Variants in PCF11 observed in about 807,000 individuals in gnomAD.
PCF11 encodes pre-mRNA cleavage complex 2 protein Pcf11.
Under a neutral mutation model 166.1 loss-of-function variants are expected in PCF11, and 19 were observed. The observed-to-expected ratio is 0.11, with a 90% CI of 0.08 to 0.17. PCF11 has a LOEUF of 0.17. PCF11 is among the 10% of genes least tolerant of loss of function. The pLI is 1.00. For synonymous variants in PCF11, 663 were observed against 644.1 expected (o/e 1.03, Z -0.44); for missense variants, 1,565 against 1,855.5 (o/e 0.84, Z 2.88).
exon 5 of PCF11, chr11:83,166,333 G>T (rs765888652): frequency 6.2e-7 from 1 of 1,613,774 alleles, no homozygotes; most frequent in African/African-American, 1.3e-5. Flanking sequence ...ACTAGAAAGC[G>T]ATCAAGATCT....
At chr11:83,185,447 G>GATATATATATATAT (rs34956679) in exon 16 of PCF11, 2 of 149,258 alleles carry the variant, frequency 1.3e-5, no homozygotes, top group African/African-American at 4.9e-5. Context: ...ATATTTTGCA[G>GATATATATATATAT]ATATATATAT....
chr11:83,168,778 G>A, exon 8 of PCF11: 2 of 1,613,928 alleles, frequency 1.2e-6, no homozygotes, highest in South Asian at 1.1e-5. Flanking sequence ...TCAGCTAGGA[G>A]GTGGGTGTCC....
intron 9 of PCF11, among the ~76,000 whole-genome samples, 155 bp from the exon 10 acceptor site, chr11:83,176,930 G>A (rs1860905174): frequency 6.6e-6 from 1 of 152,064 alleles, no homozygotes; most frequent in African/African-American, 2.4e-5. Context: ...AGGGGCTTTT[G>A]AAATTAAACT....
At chr11:83,166,092 A>C (rs919984588) in exon 5 of PCF11, 1 of 1,611,338 alleles carries the variant, frequency 6.2e-7, no homozygotes, top group African/African-American at 1.3e-5. Context: ...TGATATGAAC[A>C]AGAGAGATCC....
chr11:83,158,218 A>G (rs1229515445), intron 1 of PCF11: 1 of 152,076 alleles, frequency 6.6e-6, no homozygotes, highest in Non-Finnish European at 1.5e-5. Context: ...CCAGCCAGGC[A>G]GCTGCTCACT....
exon 8 of PCF11, chr11:83,169,749 A>G (rs2135429427): frequency 1.2e-6 from 2 of 1,613,950 alleles, no homozygotes; most frequent in South Asian, 1.1e-5. Flanking sequence ...ATAATGATCC[A>G]CCTGGCAATG....
At chr11:83,157,743 A>G in intron 1 of PCF11, 112 bp downstream of exon 1, 2 of 845,232 alleles carry the variant, frequency 2.4e-6, no homozygotes, top group South Asian at 1.7e-5. Flanking sequence ...CTTCTCTCCA[A>G]CCCCCCCACC....
intron 1 of PCF11, chr11:83,158,044 T>G (rs910019180): frequency 1.2e-5 from 2 of 165,410 alleles, no homozygotes; most frequent in Non-Finnish European, 2.7e-5. Context: ...TTTTGGTAAT[T>G]GTGTTCTGTG....
At chr11:83,165,821 A>G in exon 5 of PCF11, 1 of 1,610,402 alleles carries the variant, frequency 6.2e-7, no homozygotes, top group Non-Finnish European at 8.5e-7. Context: ...ATTCTCATGG[A>G]AAAGATCAGA....
At position 83,163,852 on chromosome 11, in the gene PCF11, AT is replaced by A; in HGVS notation, c.497del (p.Leu166Ter). The A allele has an allele frequency of 6.6e-7, 1 of 1,513,018 alleles. No individual in the cohort carries two copies. The highest frequency in any genetic ancestry group is 8.9e-7 in the Non-Finnish European group (1 of 1,125,806). The allele number at this position is 1,513,018 out of a possible 1,614,324, so 93.7% of individuals were successfully genotyped here. A position where few individuals can be genotyped will look rare whatever the true frequency, so the allele number is the denominator to read the frequency against. ...CGTCTAGCATCCATGTGAATCCTAA[AT>A]TTTTAAATAAATCGGTAAGTTTTAA... On this transcript the variant is annotated frameshift_variant, in exon 3 of 16. Coordinates refer to ENST00000298281, the Ensembl canonical transcript of PCF11. LOFTEE classifies it high-confidence loss of function.
exon 8 of PCF11, chr11:83,169,927 T>G: frequency 6.2e-7 from 1 of 1,609,118 alleles, no homozygotes; most frequent in Non-Finnish European, 8.5e-7. Context: ...TCTTCAGAGT[T>G]CTCAATTTGG....
At chr11:83,185,405 AT>A (rs1258840207) in exon 16 of PCF11, 2 of 152,204 alleles carry the variant, frequency 1.3e-5, no homozygotes, top group Non-Finnish European at 2.9e-5. Flanking sequence ...GAAAAGCCAG[AT>A]TTTGAAAAAA....
chr11:83,160,473 TA>T (rs986289549), intron 1 of PCF11, among the ~76,000 whole-genome samples: 18 of 151,942 alleles, frequency 1.2e-4, no homozygotes, highest in Non-Finnish European at 1.3e-4. Flanking sequence ...CTGTGCCTTC[TA>T]AAAGCCAGTG....
Position 83,166,829 on chromosome 11 carries a change from A to C in PCF11, c.1817+115A>C. 3 of 868,078 alleles carry C rather than the reference A, an allele frequency of 3.5e-6. No homozygotes were observed. In the East Asian group the frequency reaches 7.4e-5, roughly 21 times the overall value. 53.8% of individuals were successfully genotyped at this position (868,078 alleles called of 1,614,324 possible). A position where few individuals can be genotyped will look rare whatever the true frequency, so the allele number is the denominator to read the frequency against. The stretch of plus-strand genomic sequence containing the variant: ...GCTATTAGTACTTTTTTTCCATCTA[A>C]TTCTTACATCTCTGTGGGTTAAATA... On this transcript the variant is annotated intron_variant, in intron 5 of 15. Coordinates refer to ENST00000298281, the Ensembl canonical transcript of PCF11.
chr11:83,182,629 A>T lies in PCF11; in HGVS notation c.4416+138A>T, dbSNP rs1435945616. On this transcript the variant is annotated intron_variant, in intron 14 of 15. Coordinates refer to ENST00000298281, the Ensembl canonical transcript of PCF11. ...AATAAAAAGGGTATTGGACTTTAGTAATAGAATGTTTGAATTAGAAGGGAT... is the reference window on the plus strand; with the variant it reads ...AATAAAAAGGGTATTGGACTTTAGTTATAGAATGTTTGAATTAGAAGGGAT... The T allele has an allele frequency of 6.6e-6, 4 of 602,856 alleles. No individual in the cohort carries two copies. In the African/African-American group the frequency reaches 7.5e-5, roughly 11 times the overall value. The allele number at this position is 602,856 out of a possible 1,614,324, so 37.3% of individuals were successfully genotyped here.
intron 1 of PCF11, 60 bp downstream of exon 1, chr11:83,157,691 C>G (rs892298773): frequency 6.3e-5 from 93 of 1,466,916 alleles, no homozygotes; most frequent in Non-Finnish European, 8.4e-5. Flanking sequence ...TAGTGTCAGC[C>G]TCATCCCAGG....
chr11:83,172,535 G>A (rs1033970521), intron 9 of PCF11, among the ~76,000 whole-genome samples: 1 of 152,080 alleles, frequency 6.6e-6, no homozygotes, highest in African/African-American at 2.4e-5. Context: ...CGATTCTCCT[G>A]TCTCAGCCTC....
At chr11:83,169,232 G>C (rs1306649094) in exon 8 of PCF11, 1 of 1,613,614 alleles carries the variant, frequency 6.2e-7, no homozygotes, top group Non-Finnish European at 8.5e-7. Flanking sequence ...TCAGTAGCTG[G>C]TCTGAGATTT....
At chr11:83,157,550 C>T in exon 1 of PCF11, 1 of 1,614,010 alleles carries the variant, frequency 6.2e-7, no homozygotes, top group Non-Finnish European at 8.5e-7. Flanking sequence ...AGCCGCACAT[C>T]AATATGCTGA....
Sources: allele counts gnomAD v4.1 joint callset (sites outside exome capture counted in the v4.1 genomes callset), GRCh38; gene constraint gnomAD v4.1.1; transcripts MANE v1.5; gene names NCBI Gene and HGNC (gene_info 2026-07-23, HGNC 2026-07-21).